The following NR6A1 variants were observed in gnomAD, a reference collection of about 807,000 sequenced individuals.
The protein encoded by NR6A1 is nuclear receptor subfamily 6 group A member 1.
NR6A1 carries 7 observed loss-of-function variants against 59.1 expected under a neutral mutation model. That is an observed-to-expected ratio of 0.12 (90% CI 0.07 to 0.22). The LOEUF (loss-of-function observed/expected upper bound fraction) is 0.22, where lower values mean the gene tolerates loss of function less well. NR6A1 is among the 10% of genes least tolerant of loss of function. The pLI, the probability that NR6A1 is intolerant of heterozygous loss-of-function variation, is 1.00. For synonymous variants in NR6A1, 243 were observed against 236.1 expected (o/e 1.03, Z -0.27); for missense variants, 468 against 611.6 (o/e 0.77, Z 2.48).
At chr9:124,739,456 C>T (rs1223025759) in intron 1 of NR6A1, among the ~76,000 whole-genome samples, 6 of 152,224 alleles carry the variant, frequency 3.9e-5, no homozygotes, top group East Asian at 1.9e-4. Context: ...TCCAAATAGG[C>T]GTTTTGTTTG....
At chr9:124,622,359 TC>T (rs1272812737) in intron 2 of NR6A1, among the ~76,000 whole-genome samples, 1 of 152,222 alleles carries the variant, frequency 6.6e-6, no homozygotes, top group African/African-American at 2.4e-5. Context: ...GTCGGTGATC[TC>T]CCTAAGTCCC....
At chr9:124,677,646 T>C (rs1588772586) in intron 2 of NR6A1, among the ~76,000 whole-genome samples, 1 of 152,260 alleles carries the variant, frequency 6.6e-6, no homozygotes, top group East Asian at 1.9e-4. Context: ...ATGTATTATA[T>C]ATGTTAACTA....
At chr9:124,708,305 T>C (rs1342055499) in intron 2 of NR6A1, among the ~76,000 whole-genome samples, 1 of 152,188 alleles carries the variant, frequency 6.6e-6, no homozygotes, top group Non-Finnish European at 1.5e-5. Flanking sequence ...GTTGAACTAC[T>C]GCACTGTCAG....
intron 7 of NR6A1, among the ~76,000 whole-genome samples, chr9:124,531,050 T>C (rs888228130): frequency 1.3e-5 from 2 of 152,240 alleles, no homozygotes; most frequent in African/African-American, 2.4e-5. Context: ...GAATTTGGCA[T>C]AATTGTTAGC....
chr9:124,535,867 G>C lies in NR6A1; in HGVS notation c.1079+11C>G, dbSNP rs767420024. ...TTGTTTGGTATTTCCTCCCCAGCCA[G>C]GAGGCCTCACCTGTGTAGTTCTTCA... On this transcript the variant is annotated intron_variant, in intron 7 of 9. Coordinates refer to ENST00000487099, the MANE Select transcript of NR6A1 (RefSeq NM_033334.4). 8.7e-6 allele frequency: 14 copies of C among 1,613,452 alleles called. No individual in the cohort carries two copies. Among genetic ancestry groups the C allele is most frequent in the Non-Finnish European group, 1.2e-5 (14 of 1,179,460 alleles).
At chr9:124,709,843 G>C (rs966980670) in intron 2 of NR6A1, among the ~76,000 whole-genome samples, 1 of 151,762 alleles carries the variant, frequency 6.6e-6, no homozygotes, top group East Asian at 1.9e-4. Context: ...GCTGAGGCAG[G>C]AGAATCGCTT....
chr9:124,671,408 C>A (rs1034803329), intron 2 of NR6A1, among the ~76,000 whole-genome samples: 33 of 152,232 alleles, frequency 2.2e-4, no homozygotes, highest in African/African-American at 7.5e-4. Context: ...TTGCAAGGCA[C>A]CATAAGGTTT....
intron 2 of NR6A1, among the ~76,000 whole-genome samples, chr9:124,581,147 C>T (rs1045382348): frequency 1.3e-5 from 2 of 152,106 alleles, no homozygotes; most frequent in Admixed American, 6.5e-5. Flanking sequence ...AAACCCAAAA[C>T]TATAAAAACC....
chr9:124,710,478 C>T (rs1427592216), intron 2 of NR6A1, among the ~76,000 whole-genome samples: 1 of 152,170 alleles, frequency 6.6e-6, no homozygotes, highest in African/African-American at 2.4e-5. Flanking sequence ...TCACATTTAG[C>T]ATCAAAGGTT....
intron 1 of NR6A1, among the ~76,000 whole-genome samples, chr9:124,741,568 T>C (rs1840174089): frequency 6.6e-6 from 1 of 152,274 alleles, no homozygotes; most frequent in African/African-American, 2.4e-5. Context: ...CACTAAGTTG[T>C]ACACTTCAAA....
chr9:124,707,016 C>A (rs1001586596), intron 2 of NR6A1, among the ~76,000 whole-genome samples: 1 of 151,992 alleles, frequency 6.6e-6, no homozygotes, highest in Admixed American at 6.6e-5. Flanking sequence ...TCATACTTGG[C>A]GTTTATTAGG....
intron 1 of NR6A1, among the ~76,000 whole-genome samples, chr9:124,735,010 A>C (rs537977624): frequency 1.2e-4 from 19 of 152,094 alleles, no homozygotes; most frequent in Non-Finnish European, 2.1e-4. Context: ...ATGCCCAGCT[A>C]ATTTTTGTAT....
chr9:124,583,957 A>G (rs780157826), intron 2 of NR6A1, among the ~76,000 whole-genome samples: 4 of 152,198 alleles, frequency 2.6e-5, no homozygotes, highest in Non-Finnish European at 5.9e-5. Context: ...AGACTTGGGT[A>G]TATCACAGGG....
At chr9:124,726,025 G>C (rs1330343915) in intron 2 of NR6A1, among the ~76,000 whole-genome samples, 1 of 152,094 alleles carries the variant, frequency 6.6e-6, no homozygotes, top group Non-Finnish European at 1.5e-5. Flanking sequence ...CTTTTGATTA[G>C]TTCTTACATT....
chr9:124,663,174 T>G (rs1171591278), intron 2 of NR6A1, among the ~76,000 whole-genome samples: 1 of 152,184 alleles, frequency 6.6e-6, no homozygotes, highest in Non-Finnish European at 1.5e-5. Flanking sequence ...TACTGTGAAC[T>G]TGGTTTATGG....
chr9:124,766,580 AAC>A (rs1840940572), intron 1 of NR6A1, among the ~76,000 whole-genome samples: 1 of 152,242 alleles, frequency 6.6e-6, no homozygotes, highest in African/African-American at 2.4e-5. Flanking sequence ...ACTTAAAAAA[AAC>A]AGACTGACCC....
intron 2 of NR6A1, among the ~76,000 whole-genome samples, chr9:124,703,796 G>T (rs1049987291): frequency 6.6e-6 from 1 of 151,272 alleles, no homozygotes; most frequent in African/African-American, 2.4e-5. Context: ...TTTTCTAAAA[G>T]AATTTGTTAA....
At chr9:124,688,364 T>TCTCTCTCAGAATATCTTATTGTA (rs1838411332) in intron 2 of NR6A1, among the ~76,000 whole-genome samples, 1 of 152,038 alleles carries the variant, frequency 6.6e-6, no homozygotes, top group Admixed American at 6.6e-5. Flanking sequence ...GAATGTGGTC[T>TCTCTCTCAGAATATCTTATTGTA]CTCTCTCAGA....
chr9:124,734,226 A>C (rs1023838679), intron 1 of NR6A1, among the ~76,000 whole-genome samples: 1 of 152,174 alleles, frequency 6.6e-6, no homozygotes, highest in African/African-American at 2.4e-5. Context: ...TGCTTCTAGC[A>C]CTCATCAACA....
Sources: gnomAD v4.1 joint callset for allele counts (sites outside exome capture counted in the v4.1 genomes callset) on GRCh38, gnomAD v4.1.1 for gene constraint, MANE v1.5 for transcripts, NCBI Gene and HGNC (gene_info 2026-07-23, HGNC 2026-07-21) for gene names.